FNDC7: variants seen among roughly 807,000 people sequenced by gnomAD.
FNDC7 encodes fibronectin type III domain containing 7.
Under a neutral mutation model 74.2 loss-of-function variants are expected in FNDC7, and 66 were observed. The ratio of observed to expected loss-of-function variants is 0.89; its 90% CI spans 0.73 to 1.09. The LOEUF is 1.09. Among genes scored for constraint, FNDC7 ranks in the 50% least tolerant of loss-of-function variants. The probability of loss-of-function intolerance (pLI) is 0.00; values close to 1 mark genes in which losing one functional copy is unlikely to be tolerated. For missense variants in FNDC7, 829 were observed against 893.4 expected (o/e 0.93, Z 0.92); for synonymous variants, 307 against 330.2 (o/e 0.93, Z 0.76).
chr1:108,728,633 T>G lies in FNDC7; in HGVS notation c.1371T>G (p.Ala457=). ...AATTAATACTCTAAAATGTCTTAGC[T>G]CCTTGCAGTCCTGAAATAAAAAATG... ...MSCTPQFITT[A]PCSPEIKNVS... The change falls in exon 8 of 13, where the codon GCT becomes GCG. Residue 457 remains alanine, a splice_region_variant and synonymous_variant. Transcript: ENST00000370017. 1 of 1,614,186 alleles carries G rather than the reference T, an allele frequency of 6.2e-7. No individual in the cohort carries two copies. Among genetic ancestry groups the G allele is most frequent in the South Asian group, 1.1e-5 (1 of 91,086 alleles).
At chr1:108,713,283 A>G (rs1280704318) in intron 1 of FNDC7, among the ~76,000 whole-genome samples, 2 of 152,212 alleles carry the variant, frequency 1.3e-5, no homozygotes, top group African/African-American at 4.8e-5. Flanking sequence ...AAAATGAAAT[A>G]GTAATGGGAT....
chr1:108,741,634 A>G (rs867474170), intron 11 of FNDC7, 139 bp from the exon 12 acceptor site: 2 of 841,848 alleles, frequency 2.4e-6, no homozygotes, highest in Middle Eastern at 6.2e-4. Context: ...TCATAGTTTC[A>G]TGTTTACTTG....
rs1386006221 is a variant in FNDC7 at position 108,722,605 on chromosome 1, G to A, written c.856+13G>A. ...ACCCTGAAAACTGGTATGTAAACAAGAGTGAGACTGCTGTCGGGCTTGCAG... is the reference window on the plus strand; with the variant it reads ...ACCCTGAAAACTGGTATGTAAACAAAAGTGAGACTGCTGTCGGGCTTGCAG... On this transcript the variant is annotated intron_variant, in intron 5 of 12. Coordinates refer to ENST00000370017, the MANE Select transcript of FNDC7 (RefSeq NM_001144937.3). The A allele has an allele frequency of 6.2e-7, 1 of 1,602,864 alleles. No individual in the cohort carries two copies. The highest frequency in any genetic ancestry group is 8.5e-7 in the Non-Finnish European group (1 of 1,172,074).
chr1:108,734,266 A>G (rs1661459541), intron 10 of FNDC7: 1 of 152,246 alleles, frequency 6.6e-6, no homozygotes. Flanking sequence ...TTAGAGGATC[A>G]GAAAAAATAA....
At position 108,742,153 on chromosome 1, in the gene FNDC7, G is replaced by A; in HGVS notation, c.*266G>A. 1 of 301,340 alleles carries A rather than the reference G, an allele frequency of 3.3e-6. No homozygotes were observed. The highest frequency in any genetic ancestry group is 5.0e-5 in the Admixed American group (1 of 19,936). The allele number at this position is 301,340 out of a possible 1,614,324, so 18.7% of individuals were successfully genotyped here. On this transcript the variant is annotated 3_prime_UTR_variant, in exon 13 of 13. Transcript: ENST00000370017. Reference sequence around the variant, plus strand: ...AAGTCCCCTGGACGGCTGCTAGCCTGAGTTGGCACACTGTGAGAACCCTGG... The same window carrying A: ...AAGTCCCCTGGACGGCTGCTAGCCTAAGTTGGCACACTGTGAGAACCCTGG...
chr1:108,718,885 C>T lies in FNDC7; in HGVS notation c.434C>T (p.Ser145Phe). Reference sequence around the variant, plus strand: ...TATATGGCAATTGCATTCTCCGTGTCCATTATGCGAGCCAATGGCTTGGGG... The same window carrying T: ...TATATGGCAATTGCATTCTCCGTGTTCATTATGCGAGCCAATGGCTTGGGG... ...AVYMAIAFSV[S>F]IMRANGLGSI... is the part of the protein sequence containing the mutation. The change falls in exon 4 of 13, where the codon TCC becomes TTC. Residue 145 changes from serine (S) to phenylalanine (F), a missense_variant. Transcript: ENST00000370017. The T allele has an allele frequency of 6.4e-7, 1 of 1,551,626 alleles. No individual in the cohort carries two copies. Among genetic ancestry groups the T allele is most frequent in the East Asian group, 2.4e-5 (1 of 40,922 alleles).
At chr1:108,729,640 A>G (rs1661300693) in intron 8 of FNDC7, among the ~76,000 whole-genome samples, 1 of 152,240 alleles carries the variant, frequency 6.6e-6, no homozygotes, top group South Asian at 2.1e-4. Context: ...TATTAAGTTG[A>G]CTAATGCTGC....
intron 2 of FNDC7, among the ~76,000 whole-genome samples, chr1:108,716,998 C>T (rs990366559): frequency 3.3e-5 from 5 of 152,274 alleles, no homozygotes; most frequent in Non-Finnish European, 5.9e-5. Context: ...TCTCCTACTC[C>T]ATACTCCTGA....
chr1:108,715,671 G>GCGCA (rs1395135084), intron 2 of FNDC7, among the ~76,000 whole-genome samples: 49 of 150,690 alleles, frequency 3.3e-4, no homozygotes, highest in African/African-American at 1.2e-3. Flanking sequence ...GTGCGCGCGC[G>GCGCA]CACACACACA....
At chr1:108,732,459 G>A (rs962390795) in intron 9 of FNDC7, among the ~76,000 whole-genome samples, 5 of 152,038 alleles carry the variant, frequency 3.3e-5, no homozygotes, top group Admixed American at 6.5e-5. Context: ...TACTCATCTC[G>A]GCAAAATTGG....
chr1:108,731,386 A>G (rs1472482910), intron 9 of FNDC7, among the ~76,000 whole-genome samples: 4 of 152,250 alleles, frequency 2.6e-5, no homozygotes, highest in Non-Finnish European at 5.9e-5. Context: ...GTCTACTGAC[A>G]GTATTGTACC....
Position 108,727,185 on chromosome 1 carries a change from C to T in FNDC7, c.1112-623C>T, listed in dbSNP as rs546654008. ...GCTAAAAATGCAAAAATTAGCTGGA[C>T]GTGGTGGCATGTGCCTGTAATTCCA... On this transcript the variant is annotated intron_variant, in intron 6 of 12. Transcript: ENST00000370017. Among the ~76,000 whole-genome samples the T allele has an allele frequency of 1.2e-4, 18 of 152,200 alleles. 1 individual carries two copies. The highest frequency in any genetic ancestry group is 3.4e-4 in the African/African-American group (14 of 41,530).
Position 108,717,927 on chromosome 1 carries a change from G to A in FNDC7, c.233G>A (p.Gly78Asp), listed in dbSNP as rs963398029. Residue 78 changes from glycine (G) to aspartate (D), a missense_variant, in exon 3 of 13, where the codon GGC becomes GAC. Coordinates refer to ENST00000370017, the MANE Select transcript of FNDC7 (RefSeq NM_001144937.3). Reference protein sequence around the residue: ...VIETTVANSPGTVTGLKAATW... With the variant: ...VIETTVANSPDTVTGLKAATW... The stretch of plus-strand genomic sequence containing the variant: ...GAAACCACGGTGGCCAATTCCCCAG[G>A]CACTGTGACGGGACTAAAGGCTGCA... The A allele has an allele frequency of 6.4e-7, 1 of 1,551,726 alleles. No homozygotes were observed. The highest frequency in any genetic ancestry group is 1.2e-5 in the South Asian group (1 of 84,064).
intron 6 of FNDC7, 45 bp from the exon 7 acceptor site, chr1:108,727,763 T>C (rs1336176842): frequency 4.4e-6 from 7 of 1,603,216 alleles, no homozygotes; most frequent in South Asian, 1.1e-5. Context: ...CCCAGCTGCA[T>C]TGCTCTTGAT....
At chr1:108,739,784 C>A (rs1009513034) in intron 11 of FNDC7, among the ~76,000 whole-genome samples, 1 of 152,200 alleles carries the variant, frequency 6.6e-6, no homozygotes, top group Non-Finnish European at 1.5e-5. Context: ...GTCCTCTTTT[C>A]TGTCCTTCTA....
chr1:108,733,391 A>G lies in FNDC7; in HGVS notation c.1999A>G (p.Ile667Val). ...CACTGACCTCTATGGCTCCAAAGGC[A>G]TTTTCACGTGCACCCCGAGTGCTGG... is the stretch of plus-strand genomic sequence containing the variant. ...YSTDLYGSKGIFTCTPSAGLS... is the reference protein window; with the variant it reads ...YSTDLYGSKGVFTCTPSAGLS... Residue 667 changes from isoleucine to valine, a missense_variant, in exon 10 of 13, where the codon ATT becomes GTT. Transcript: ENST00000370017. The G allele has an allele frequency of 1.9e-6, 3 of 1,614,070 alleles. No individual in the cohort carries two copies. The highest frequency in any genetic ancestry group is 1.3e-5 in the African/African-American group (1 of 74,998).
At position 108,712,978 on chromosome 1, in the gene FNDC7, TC is replaced by T. The variant is rs1400454689; in HGVS notation, c.46del (p.Ile17SerfsTer31). 3 of 1,551,562 alleles carry T rather than the reference TC, an allele frequency of 1.9e-6. No homozygotes were observed. In the African/African-American group the frequency reaches 4.1e-5, roughly 21 times the overall value. ...CATGTTTGCCTTTGATTGGATTCAT[TC>T]TTATCTGTCTTAAAATGGTGAGTTC... ...ETCLPLIGFI[L>X]ICLKMVASAK... On this transcript the variant is annotated frameshift_variant, in exon 1 of 13. Transcript: ENST00000370017. LOFTEE classifies it high-confidence loss of function.
intron 10 of FNDC7, among the ~76,000 whole-genome samples, chr1:108,733,847 A>G (rs1406435133): frequency 2.0e-5 from 3 of 151,880 alleles, no homozygotes; most frequent in Non-Finnish European, 2.9e-5. Context: ...ACGGGGCTTC[A>G]GCATATTGGC....
Position 108,730,809 on chromosome 1 carries a change from C to T in FNDC7, c.1760C>T (p.Thr587Ile), listed in dbSNP as rs766519597. 2.5e-6 allele frequency: 4 copies of T among 1,614,156 alleles called. No homozygotes were observed. The highest frequency in any genetic ancestry group is 1.3e-5 in the African/African-American group (1 of 75,034). ...CACACTGGACAGTCTAAGTGTCACA[C>T]TCATCAAAACCACTGCCTCCTAGGA... ...ESHTGQSKCH[T>I]HQNHCLLGCI... Residue 587 changes from threonine (T) to isoleucine (I), a missense_variant, in exon 9 of 13, where the codon ACT becomes ATT. Transcript: ENST00000370017.
Sources: allele counts gnomAD v4.1 joint callset (sites outside exome capture counted in the v4.1 genomes callset), GRCh38; gene constraint gnomAD v4.1.1; transcripts MANE v1.5; gene names NCBI Gene and HGNC (gene_info 2026-07-23, HGNC 2026-07-21).